Variants in SCLY observed in about 807,000 individuals in gnomAD.
SCLY encodes selenocysteine lyase, also known as putative selenocysteine lyase.
Under a neutral mutation model 50.1 loss-of-function variants are expected in SCLY, and 38 were observed. That is an observed-to-expected ratio of 0.76 (90% CI 0.59 to 0.99). SCLY has a LOEUF of 0.99. Ranked by LOEUF, SCLY falls within the 50% of genes least tolerant of loss-of-function variation. The pLI is 0.00. For missense variants in SCLY, 600 were observed against 620.0 expected (o/e 0.97, Z 0.34); for synonymous variants, 243 against 249.4 (o/e 0.97, Z 0.24).
chr2:238,083,022 C>A lies in SCLY; in HGVS notation c.778-226C>A. On this transcript the variant is annotated intron_variant, in intron 6 of 11. Coordinates refer to ENST00000254663, the MANE Select transcript of SCLY (RefSeq NM_016510.7). This position sits in a 1 kb window ranked among gnomAD's most constrained non-coding sequence, Gnocchi z 4.3. ...GAGCTGCCTGCCACAGAGCTGAGCA[C>A]GAGAGTCTAGCACCTGCGCTGCCTC... 1.6e-6 allele frequency: 1 copy of A among 618,778 alleles called. No individual in the cohort carries two copies. 38.3% of individuals were successfully genotyped at this position (618,778 alleles called of 1,614,324 possible). A position where few individuals can be genotyped will look rare whatever the true frequency, so the allele number is the denominator to read the frequency against.
intron 4 of SCLY, chr2:238,080,188 A>G (rs2065221328): frequency 6.7e-6 from 1 of 148,658 alleles, no homozygotes; most frequent in Admixed American, 6.6e-5. Context: ...AGCCATTGTC[A>G]TCATACTTTT....
intron 4 of SCLY, among the ~76,000 whole-genome samples, chr2:238,070,772 A>C (rs1452049406): frequency 6.6e-6 from 1 of 151,888 alleles, no homozygotes; most frequent in African/African-American, 2.4e-5. Context: ...CCCAAGATTT[A>C]ATTTTTTGCC....
In SCLY at chr2:238,094,610, C is replaced by T. The variant is rs184239401; in HGVS notation, c.1108+88C>T. 308 of 1,144,362 alleles carry T rather than the reference C, an allele frequency of 2.7e-4. 1 individual carries two copies. In the African/African-American group the frequency reaches 4.3e-3, roughly 16 times the overall value. 70.9% of individuals were successfully genotyped at this position (1,144,362 alleles called of 1,614,324 possible). The stretch of plus-strand genomic sequence containing the variant: ...GGTCCGAGCCAGTGACTCCCACTCG[C>T]CCTGCCCTGAGCATGACACAGCTCG... On this transcript the variant is annotated intron_variant, in intron 10 of 11. Coordinates refer to ENST00000254663, the MANE Select transcript of SCLY (RefSeq NM_016510.7).
chr2:238,080,673 C>G (rs1416874976), intron 4 of SCLY: 1 of 152,402 alleles, frequency 6.6e-6, no homozygotes, highest in Admixed American at 6.5e-5. Context: ...TGGGAGCCCA[C>G]CTTGTGCCCG....
intron 8 of SCLY, chr2:238,091,611 G>T: frequency 3.6e-6 from 1 of 281,430 alleles, no homozygotes; most frequent in South Asian, 3.8e-5. Context: ...TGGTCTGTGG[G>T]GTGGCCAATC....
chr2:238,062,433 G>A (rs1011264403), intron 1 of SCLY, among the ~76,000 whole-genome samples: 52 of 150,246 alleles, frequency 3.5e-4, no homozygotes, highest in Non-Finnish European at 1.3e-4. Flanking sequence ...TAATTGAGAT[G>A]GAGTCTCACT....
At chr2:238,085,611 C>G in intron 7 of SCLY, among the ~76,000 whole-genome samples, 1 of 151,906 alleles carries the variant, frequency 6.6e-6, no homozygotes, top group Non-Finnish European at 1.5e-5. Flanking sequence ...CCTATAGTCC[C>G]AGCTACCCGG....
intron 4 of SCLY, chr2:238,081,323 C>G (rs1391968900): frequency 1.1e-5 from 2 of 175,068 alleles, no homozygotes; most frequent in Non-Finnish European, 1.2e-5. Flanking sequence ...CAGTCAGCGC[C>G]TGGCGCGTAG....
chr2:238,088,618 T>TA (rs926781633), intron 7 of SCLY, among the ~76,000 whole-genome samples: 1 of 151,968 alleles, frequency 6.6e-6, no homozygotes. Context: ...TCTACAAAAA[T>TA]AAAAAAATTC....
At chr2:238,076,185 A>T (rs1178981717) in intron 4 of SCLY, among the ~76,000 whole-genome samples, 1 of 151,132 alleles carries the variant, frequency 6.6e-6, no homozygotes, top group Non-Finnish European at 1.5e-5. Flanking sequence ...TCCACCTCCC[A>T]GATTTTAGCA....
In SCLY at chr2:238,061,077, G is replaced by A; in HGVS notation, c.23G>A (p.Gly8Glu). 7.2e-7 allele frequency: 1 copy of A among 1,394,926 alleles called. No individual in the cohort carries two copies. The highest frequency in any genetic ancestry group is 9.2e-7 in the Non-Finnish European group (1 of 1,085,778). 86.4% of individuals were successfully genotyped at this position (1,394,926 alleles called of 1,614,324 possible). Reference protein sequence around the residue: MEAAVAPGRDAPAPAASQ... With the variant: MEAAVAPERDAPAPAASQ... ...GGGATGGAGGCGGCCGTGGCGCCGG[G>A]GAGGGATGCGCCGGCACCCGCGGCG... The change falls in exon 1 of 12, where the codon GGG becomes GAG. Residue 8 changes from glycine to glutamate, a missense_variant. Physicochemically the swap from Gly to Glu is moderately conservative, Grantham distance 98. Transcript: ENST00000254663.
At chr2:238,076,684 G>T in intron 4 of SCLY, among the ~76,000 whole-genome samples, 1 of 146,440 alleles carries the variant, frequency 6.8e-6, no homozygotes. Flanking sequence ...ATCCCCCTCG[G>T]TGAGAAACAC....
chr2:238,061,074 C>G lies in SCLY; in HGVS notation c.20C>G (p.Pro7Arg). 2 of 1,393,154 alleles carry G rather than the reference C, an allele frequency of 1.4e-6. No homozygotes were observed. Among genetic ancestry groups the G allele is most frequent in the Non-Finnish European group, 1.8e-6 (2 of 1,084,832 alleles). 86.3% of individuals were successfully genotyped at this position (1,393,154 alleles called of 1,614,324 possible). Residue 7 changes from proline (P) to arginine (R), a missense_variant, in exon 1 of 12, where the codon CCG (proline) becomes CGG (arginine). Coordinates refer to ENST00000254663, the MANE Select transcript of SCLY (RefSeq NM_016510.7). MEAAVAPGRDAPAPAAS... is the reference protein window; with the variant it reads MEAAVARGRDAPAPAAS... Reference sequence around the variant, plus strand: ...GCGGGGATGGAGGCGGCCGTGGCGCCGGGGAGGGATGCGCCGGCACCCGCG... The same window carrying G: ...GCGGGGATGGAGGCGGCCGTGGCGCGGGGGAGGGATGCGCCGGCACCCGCG...
intron 2 of SCLY, among the ~76,000 whole-genome samples, chr2:238,065,725 A>C (rs1334705288): frequency 6.7e-6 from 1 of 148,452 alleles, no homozygotes; most frequent in African/African-American, 2.5e-5. Context: ...CCCAGGCTGG[A>C]GTGCAGTGGT....
At position 238,061,190 on chromosome 2, in the gene SCLY, C is replaced by T. The variant is rs1046614938; in HGVS notation, c.89+47C>T. ...CTGGGGAGCGGCCGGCGCCTGTCGC[C>T]GATTGTCCCGCGCGGGAGGACGAAG... On this transcript the variant is annotated intron_variant, in intron 1 of 11. Transcript: ENST00000254663. 4 of 1,373,156 alleles carry T rather than the reference C, an allele frequency of 2.9e-6. No homozygotes were observed. In the African/African-American group the frequency reaches 4.4e-5, roughly 15 times the overall value. 85.1% of individuals were successfully genotyped at this position (1,373,156 alleles called of 1,614,324 possible).
At chr2:238,092,721 AGC>A (rs2065378267) in intron 8 of SCLY, 1 of 152,462 alleles carries the variant, frequency 6.6e-6, no homozygotes. Context: ...CTGGTTCTTC[AGC>A]TTCGCCCAGC....
chr2:238,096,383 T>C (rs1391673144), intron 10 of SCLY, among the ~76,000 whole-genome samples: 1 of 152,182 alleles, frequency 6.6e-6, no homozygotes, highest in African/African-American at 2.4e-5. Flanking sequence ...CAGCAGTCAT[T>C]AATGGCTGTG....
intron 11 of SCLY, 68 bp downstream of exon 11, chr2:238,096,944 C>T (rs1030069261): frequency 9.2e-6 from 13 of 1,417,548 alleles, no homozygotes; most frequent in African/African-American, 7.1e-5. Flanking sequence ...GGTGGGCAGG[C>T]GGCAGGATCC....
At chr2:238,084,893 CAAAAA>C (rs377025100) in intron 7 of SCLY, among the ~76,000 whole-genome samples, 10 of 107,504 alleles carry the variant, frequency 9.3e-5, no homozygotes, top group Non-Finnish European at 3.6e-5. Flanking sequence ...GACTCCATCT[CAAAAA>C]AAAAAAAAAA....
Sources: gnomAD v4.1 joint callset for allele counts (sites outside exome capture counted in the v4.1 genomes callset) on GRCh38, gnomAD v4.1.1 for gene constraint, Gnocchi (gnomAD v3.1) non-coding constraint, MANE v1.5 for transcripts, NCBI Gene and HGNC (gene_info 2026-07-23, HGNC 2026-07-21) for gene names.